CORIN: variants seen among roughly 807,000 people sequenced by gnomAD.
CORIN encodes atrial natriuretic peptide-converting enzyme.
In CORIN, 117 loss-of-function variants were observed where a neutral mutation model predicts 125.3. The observed-to-expected ratio is 0.93, with a 90% CI of 0.80 to 1.09. The LOEUF is 1.09. CORIN is among the 50% of genes least tolerant of loss of function. The probability of loss-of-function intolerance (pLI) is 0.00; values close to 1 mark genes in which losing one functional copy is unlikely to be tolerated. For synonymous variants in CORIN, 450 were observed against 466.4 expected (o/e 0.96, Z 0.45); for missense variants, 1,253 against 1,306.7 (o/e 0.96, Z 0.63).
At chr4:47,705,446 T>C (rs778278359) in intron 5 of CORIN, among the ~76,000 whole-genome samples, 5 of 152,140 alleles carry the variant, frequency 3.3e-5, no homozygotes, top group Admixed American at 6.5e-5. Flanking sequence ...CTAAATAAAC[T>C]TTGCATTCAC....
intron 18 of CORIN, 49 bp from the exon 19 acceptor site, chr4:47,623,794 TA>T (rs3215139): frequency 0.27 from 430,446 of 1,611,906 alleles, 59,634 homozygotes; most frequent in Admixed American, 0.4. Flanking sequence ...CAAACCTTGC[TA>T]AATGCTTAGC....
At chr4:47,763,301 T>A in intron 4 of CORIN, 78 bp downstream of exon 4, 1 of 1,117,652 alleles carries the variant, frequency 8.9e-7, no homozygotes, top group African/African-American at 1.6e-5. Context: ...AAGGGAGTCA[T>A]TTGGATAATT....
intron 5 of CORIN, among the ~76,000 whole-genome samples, chr4:47,729,593 A>C (rs1047501783): frequency 6.6e-6 from 1 of 152,176 alleles, no homozygotes; most frequent in Non-Finnish European, 1.5e-5. Context: ...GCACAACTCT[A>C]GGAGGCACAA....
At chr4:47,759,056 T>C (rs1729327267) in intron 4 of CORIN, among the ~76,000 whole-genome samples, 1 of 152,220 alleles carries the variant, frequency 6.6e-6, no homozygotes, top group Non-Finnish European at 1.5e-5. Context: ...TCCATGCCTT[T>C]ACAGTAAACT....
At chr4:47,745,523 T>G (rs182565272) in intron 4 of CORIN, among the ~76,000 whole-genome samples, 1 of 152,242 alleles carries the variant, frequency 6.6e-6, no homozygotes, top group Non-Finnish European at 1.5e-5. Context: ...AACAATACCT[T>G]ATTCAAATCC....
At position 47,745,034 on chromosome 4, in the gene CORIN, C is replaced by A. The variant is rs553037226; in HGVS notation, c.618-451G>T. Among the ~76,000 whole-genome samples the A allele has an allele frequency of 7.3e-4, 111 of 152,268 alleles. 2 individuals are homozygous for A. The South Asian group carries it at 0.015, about 21-fold the overall frequency. On this transcript the variant is annotated intron_variant, in intron 4 of 21. Transcript: ENST00000273857. ...AGTGGCAGCAGAGAGTAAGCTGTTCCATTATTAACTTCCCCAGCCTCCCTG... is the reference window on the plus strand; with the variant it reads ...AGTGGCAGCAGAGAGTAAGCTGTTCAATTATTAACTTCCCCAGCCTCCCTG...
intron 14 of CORIN, among the ~76,000 whole-genome samples, chr4:47,644,085 G>A (rs573731696): frequency 7.9e-5 from 12 of 152,268 alleles, no homozygotes; most frequent in African/African-American, 2.6e-4. Context: ...GGTTCTCCCT[G>A]CGTGGTGCTT....
At chr4:47,654,003 T>A (rs978562031) in intron 12 of CORIN, among the ~76,000 whole-genome samples, 1 of 152,246 alleles carries the variant, frequency 6.6e-6, no homozygotes, top group African/African-American at 2.4e-5. Flanking sequence ...AAAATCATTT[T>A]CACATCCCCA....
intron 5 of CORIN, among the ~76,000 whole-genome samples, chr4:47,713,733 ATC>A (rs533894971): frequency 6.6e-6 from 1 of 152,024 alleles, no homozygotes; most frequent in Non-Finnish European, 1.5e-5. Context: ...CACATTTCCA[ATC>A]TATTTCCCAG....
intron 5 of CORIN, among the ~76,000 whole-genome samples, chr4:47,716,804 A>T (rs1282381883): frequency 1.3e-5 from 2 of 152,140 alleles, no homozygotes; most frequent in Non-Finnish European, 2.9e-5. Flanking sequence ...GACAGCTTCA[A>T]CTATCACATA....
At chr4:47,758,478 TC>T (rs1340122214) in intron 4 of CORIN, among the ~76,000 whole-genome samples, 1 of 151,972 alleles carries the variant, frequency 6.6e-6, no homozygotes, top group Non-Finnish European at 1.5e-5. Context: ...GAAAAAATAA[TC>T]CCCAAGTTTG....
chr4:47,711,607 A>AAAAG (rs1320778698), intron 5 of CORIN, among the ~76,000 whole-genome samples: 1 of 152,242 alleles, frequency 6.6e-6, no homozygotes, highest in Non-Finnish European at 1.5e-5. Flanking sequence ...GGTAAGCCTG[A>AAAAG]CTTGGCAAAC....
intron 3 of CORIN, among the ~76,000 whole-genome samples, chr4:47,776,377 C>G (rs1730301814): frequency 6.7e-6 from 1 of 149,578 alleles, no homozygotes. Context: ...CTTCAGCCTC[C>G]CAGGCTCAAG....
At chr4:47,664,005 T>C (rs1476613413) in intron 11 of CORIN, among the ~76,000 whole-genome samples, 2 of 152,228 alleles carry the variant, frequency 1.3e-5, no homozygotes, top group African/African-American at 4.8e-5. Flanking sequence ...ATATAATTTA[T>C]TGTTTTCTCT....
chr4:47,746,630 T>C (rs910518523), intron 4 of CORIN, among the ~76,000 whole-genome samples: 8 of 151,664 alleles, frequency 5.3e-5, no homozygotes, highest in African/African-American at 1.9e-4. Flanking sequence ...TGCCTCCTGG[T>C]TTCAAGCGAT....
At chr4:47,663,135 A>T (rs1724325630) in intron 11 of CORIN, among the ~76,000 whole-genome samples, 1 of 152,208 alleles carries the variant, frequency 6.6e-6, no homozygotes, top group South Asian at 2.1e-4. Flanking sequence ...TGTAAAATGG[A>T]AATTACAACA....
intron 8 of CORIN, 63 bp from the exon 9 acceptor site, chr4:47,678,117 A>G: frequency 8.9e-7 from 1 of 1,129,438 alleles, no homozygotes; most frequent in Non-Finnish European, 1.4e-6. Flanking sequence ...TCTGCACATC[A>G]AATAAGCAAC....
chr4:47,680,033 G>T, intron 8 of CORIN, 108 bp downstream of exon 8: 1 of 649,904 alleles, frequency 1.5e-6, no homozygotes, highest in Non-Finnish European at 2.7e-6. Flanking sequence ...TCTTTCCCTT[G>T]GAATGCTGTG....
chr4:47,766,946 CAAAAAA>C (rs1045606316), intron 3 of CORIN, among the ~76,000 whole-genome samples: 1 of 63,208 alleles, frequency 1.6e-5, no homozygotes, highest in Non-Finnish European at 3.4e-5. Flanking sequence ...GACTCTGTCT[CAAAAAA>C]AAAAAAAAAA....
Sources: gnomAD v4.1 joint callset for allele counts (sites outside exome capture counted in the v4.1 genomes callset) on GRCh38, gnomAD v4.1.1 for gene constraint, MANE v1.5 for transcripts, NCBI Gene and HGNC (gene_info 2026-07-23, HGNC 2026-07-21) for gene names.